The following TMEM45A variants were observed in gnomAD, a reference collection of about 807,000 sequenced individuals.
TMEM45A encodes the protein DNA polymerase-transactivated protein 4.
A neutral mutation model predicts 32.0 loss-of-function variants in TMEM45A; 25 were observed. That is an observed-to-expected ratio of 0.78 (90% CI 0.57 to 1.09). The LOEUF (loss-of-function observed/expected upper bound fraction) is 1.09, where lower values mean the gene tolerates loss of function less well. Ranked by LOEUF, TMEM45A falls within the 50% of genes least tolerant of loss-of-function variation. The pLI is 0.00. For synonymous variants in TMEM45A, 122 were observed against 114.8 expected (o/e 1.06, Z -0.40); for missense variants, 302 against 325.0 (o/e 0.93, Z 0.54).
chr3:100,496,749 C>T (rs1201322893), intron 1 of TMEM45A, among the ~76,000 whole-genome samples: 1 of 152,134 alleles, frequency 6.6e-6, no homozygotes, highest in Non-Finnish European at 1.5e-5. Flanking sequence ...CCACATAGCA[C>T]CTGGTTGTCT....
chr3:100,523,231 G>C (rs1376368475), intron 1 of TMEM45A, among the ~76,000 whole-genome samples: 1 of 152,182 alleles, frequency 6.6e-6, no homozygotes, highest in African/African-American at 2.4e-5. Context: ...TGTTTGTGTT[G>C]CCGTGAACCA....
intron 1 of TMEM45A, among the ~76,000 whole-genome samples, chr3:100,549,256 C>CA (rs1304512917): frequency 4.3e-5 from 6 of 140,738 alleles, no homozygotes; most frequent in South Asian, 2.2e-4. Flanking sequence ...CAAAAAAAAA[C>CA]AAAAAAACAA....
At chr3:100,535,330 T>C (rs1705723004) in intron 1 of TMEM45A, among the ~76,000 whole-genome samples, 1 of 152,058 alleles carries the variant, frequency 6.6e-6, no homozygotes, top group Admixed American at 6.6e-5. Flanking sequence ...GCCAGGCTGG[T>C]TTTGAATGGC....
At chr3:100,539,827 T>A (rs1289922143) in intron 1 of TMEM45A, among the ~76,000 whole-genome samples, 4 of 152,142 alleles carry the variant, frequency 2.6e-5, no homozygotes, top group Non-Finnish European at 5.9e-5. Context: ...TCAGACACAC[T>A]CAGAAATCAT....
intron 1 of TMEM45A, among the ~76,000 whole-genome samples, chr3:100,520,929 G>A (rs1009951848): frequency 2.6e-5 from 4 of 152,184 alleles, no homozygotes; most frequent in Non-Finnish European, 5.9e-5. Context: ...TTTGCAGTAC[G>A]AGGATGGGAT....
chr3:100,510,451 C>G (rs1247965017), intron 1 of TMEM45A, among the ~76,000 whole-genome samples: 1 of 152,166 alleles, frequency 6.6e-6, no homozygotes, highest in African/African-American at 2.4e-5. Context: ...AAGACATCCA[C>G]ACCAAAAACC....
rs1374600264 is a variant in TMEM45A at position 100,568,819 on chromosome 3, C to T, written c.589-3C>T. ...AATATATGCTTTTTGTTCTAAATTA[C>T]AGATTGGATTTGTCCTGTATCCCCC... is the stretch of plus-strand genomic sequence containing the variant. On this transcript the variant is annotated splice_polypyrimidine_tract_variant and splice_region_variant and intron_variant, in intron 4 of 5. Coordinates refer to ENST00000323523, the MANE Select transcript of TMEM45A (RefSeq NM_018004.3). 1 of 1,591,122 alleles carries T rather than the reference C, an allele frequency of 6.3e-7. No individual in the cohort carries two copies. The highest frequency in any genetic ancestry group is 8.6e-7 in the Non-Finnish European group (1 of 1,165,184).
At chr3:100,557,408 G>A in intron 3 of TMEM45A, among the ~76,000 whole-genome samples, 1 of 152,070 alleles carries the variant, frequency 6.6e-6, no homozygotes, top group East Asian at 1.9e-4. Context: ...GTAATACTCT[G>A]CCATTTGATG....
At chr3:100,522,254 A>C (rs899400548) in intron 1 of TMEM45A, among the ~76,000 whole-genome samples, 1 of 151,986 alleles carries the variant, frequency 6.6e-6, no homozygotes, top group African/African-American at 2.4e-5. Flanking sequence ...TGGGGGGCTG[A>C]CTCTGGCCCT....
chr3:100,558,381 G>A (rs1222787589), intron 3 of TMEM45A, 24 bp from the exon 4 acceptor site: 2 of 1,611,854 alleles, frequency 1.2e-6, no homozygotes, highest in South Asian at 2.2e-5. Context: ...CACTGAAAAA[G>A]ACAATCTGTT....
intron 4 of TMEM45A, among the ~76,000 whole-genome samples, chr3:100,564,841 T>C (rs922768844): frequency 4.6e-5 from 7 of 152,210 alleles, no homozygotes; most frequent in Non-Finnish European, 1.0e-4. Context: ...ATTAGAGATG[T>C]GGCTCAAGGG....
intron 1 of TMEM45A, among the ~76,000 whole-genome samples, chr3:100,532,629 A>T (rs1021908928): frequency 6.7e-6 from 1 of 148,778 alleles, no homozygotes; most frequent in Admixed American, 6.6e-5. Context: ...GCATTTGATA[A>T]TTGTTCATTG....
chr3:100,514,466 A>C (rs1708226116), intron 1 of TMEM45A, among the ~76,000 whole-genome samples: 1 of 152,086 alleles, frequency 6.6e-6, no homozygotes, highest in Admixed American at 6.6e-5. Context: ...ACCTTATACA[A>C]AAATTAATTC....
chr3:100,533,566 G>T (rs1343859730), intron 1 of TMEM45A, among the ~76,000 whole-genome samples: 1 of 152,052 alleles, frequency 6.6e-6, no homozygotes, highest in Non-Finnish European at 1.5e-5. Flanking sequence ...GGCACACTGG[G>T]GTGAGCACTT....
At chr3:100,494,797 A>G (rs1707898572) in intron 1 of TMEM45A, among the ~76,000 whole-genome samples, 1 of 152,180 alleles carries the variant, frequency 6.6e-6, no homozygotes, top group Admixed American at 6.5e-5. Flanking sequence ...GCCCTACAAC[A>G]GTAACTTACC....
intron 1 of TMEM45A, 36 bp downstream of exon 1, chr3:100,492,964 C>T (rs946844359): frequency 2.0e-5 from 3 of 152,152 alleles, no homozygotes; most frequent in South Asian, 2.1e-4. Flanking sequence ...TCATATTTCT[C>T]TTGCCGTGAT....
intron 1 of TMEM45A, among the ~76,000 whole-genome samples, chr3:100,537,104 G>A: frequency 6.6e-6 from 1 of 152,158 alleles, no homozygotes; most frequent in East Asian, 1.9e-4. Context: ...TGTATTTTTA[G>A]TAGAGACGGG....
intron 1 of TMEM45A, among the ~76,000 whole-genome samples, chr3:100,494,494 C>T (rs1459029665): frequency 6.6e-6 from 1 of 152,024 alleles, no homozygotes; most frequent in Non-Finnish European, 1.5e-5. Flanking sequence ...TGGTGGTGCG[C>T]ACCTGTAATC....
In TMEM45A at chr3:100,565,100, C is replaced by T. The variant is rs964383247; in HGVS notation, c.589-3722C>T. Among the ~76,000 whole-genome samples the T allele has an allele frequency of 5.3e-5, 8 of 152,124 alleles. No homozygotes were observed. In the South Asian group the frequency reaches 8.3e-4, roughly 16 times the overall value. ...TACTGGTCTGGATCCCTACCATAGT[C>T]GTTCAGCCATTTTGTAATACTAGGG... On this transcript the variant is annotated intron_variant, in intron 4 of 5. Transcript: ENST00000323523.
Sources: allele counts gnomAD v4.1 joint callset (sites outside exome capture counted in the v4.1 genomes callset), GRCh38; gene constraint gnomAD v4.1.1; transcripts MANE v1.5; gene names NCBI Gene and HGNC (gene_info 2026-07-23, HGNC 2026-07-21).